Variants in XXYLT1 observed in about 807,000 individuals in gnomAD.
The protein encoded by XXYLT1 is UDP-xylose:alpha-xyloside alpha-1,3-xylosyltransferase.
Under a neutral mutation model 28.9 loss-of-function variants are expected in XXYLT1, and 20 were observed. That is an observed-to-expected ratio of 0.69 (90% confidence interval 0.49 to 1.00). XXYLT1 has a LOEUF of 1.00. XXYLT1 is among the 50% of genes least tolerant of loss of function. XXYLT1 has a pLI of 0.00. For synonymous variants in XXYLT1, 257 were observed against 253.8 expected, an observed-to-expected ratio of 1.01 and a Z score of -0.12; for missense variants, 542 against 560.1, an observed-to-expected ratio of 0.97 and a Z score of 0.33.
At chr3:195,114,388 C>T (rs544480817) in intron 3 of XXYLT1, among the ~76,000 whole-genome samples, 31 of 152,346 alleles carry the variant, frequency 2.0e-4, no homozygotes, top group African/African-American at 6.7e-4. Flanking sequence ...CATCACCTTC[C>T]ACCTGCGTTG....
At chr3:195,196,467 G>A (rs539890539) in intron 2 of XXYLT1, among the ~76,000 whole-genome samples, 132 of 152,250 alleles carry the variant, frequency 8.7e-4, no homozygotes, top group African/African-American at 3.0e-3. Context: ...AGTACCCCTG[G>A]GGCAATAGGT....
chr3:195,150,810 A>T lies in XXYLT1; in HGVS notation c.785+5639T>A, dbSNP rs1478396593. Among the ~76,000 whole-genome samples the T allele has an allele frequency of 6.6e-6, 1 of 151,418 alleles. No individual in the cohort carries two copies. Among genetic ancestry groups the T allele is most frequent in the Non-Finnish European group, 1.5e-5 (1 of 67,830 alleles). The stretch of plus-strand genomic sequence containing the variant: ...CACATATGCACACTCTCACACACTC[A>T]CATACACACACACTCACACATACGC... On this transcript the variant is annotated intron_variant, in intron 3 of 3. Coordinates refer to ENST00000310380, the MANE Select transcript of XXYLT1 (RefSeq NM_152531.5). This position sits in a 1 kb window ranked among gnomAD's most constrained non-coding sequence, Gnocchi z 4.7.
intron 2 of XXYLT1, among the ~76,000 whole-genome samples, chr3:195,182,086 C>A (rs1011342077): frequency 4.6e-5 from 7 of 152,150 alleles, no homozygotes; most frequent in Non-Finnish European, 1.0e-4. Flanking sequence ...TGATCCAACA[C>A]CCTAAAACCT....
In XXYLT1 at chr3:195,184,277, C is replaced by T. The variant is rs74415294; in HGVS notation, c.653-27696G>A. On this transcript the variant is annotated intron_variant, in intron 2 of 3. Transcript: ENST00000310380. ...GCAATTGCTTCAGTTTTACAACAGA[C>T]GATATCAATTTTTCACATAACTTTC... is the stretch of plus-strand genomic sequence containing the variant. 2.6e-3 allele frequency among the ~76,000 whole-genome samples: 395 copies of T among 152,302 alleles called. 3 individuals are homozygous for T. The highest frequency in any genetic ancestry group is 8.9e-3 in the African/African-American group (368 of 41,560).
chr3:195,196,122 C>T (rs1224963000), intron 2 of XXYLT1, among the ~76,000 whole-genome samples: 4 of 152,238 alleles, frequency 2.6e-5, no homozygotes, highest in Admixed American at 2.0e-4. Context: ...GCTCCGCACC[C>T]GCACTGTCCA....
At chr3:195,123,229 A>G (rs1041728673) in intron 3 of XXYLT1, among the ~76,000 whole-genome samples, 1 of 152,002 alleles carries the variant, frequency 6.6e-6, no homozygotes, top group African/African-American at 2.4e-5. Context: ...AGGCAGTGGA[A>G]GAAGTGGAGG....
At chr3:195,095,685 C>G (rs556133580) in intron 3 of XXYLT1, 1 of 153,586 alleles carries the variant, frequency 6.5e-6, no homozygotes, top group Non-Finnish European at 1.5e-5. Flanking sequence ...GGCCTGCAGG[C>G]GGCAGTGGCC....
intron 3 of XXYLT1, among the ~76,000 whole-genome samples, chr3:195,143,898 TA>T (rs1300459844): frequency 3.3e-4 from 44 of 132,472 alleles, no homozygotes; most frequent in East Asian, 6.0e-4. Flanking sequence ...ATTTATTTTT[TA>T]TTTTTATTTT....
Position 195,121,221 on chromosome 3 carries a change from G to A in XXYLT1, c.785+35228C>T, listed in dbSNP as rs144814858. Among the ~76,000 whole-genome samples the A allele has an allele frequency of 1.3e-4, 20 of 152,330 alleles. No individual in the cohort carries two copies. In the East Asian group the frequency reaches 3.9e-3, roughly 29 times the overall value. On this transcript the variant is annotated intron_variant, in intron 3 of 3. Transcript: ENST00000310380. The stretch of plus-strand genomic sequence containing the variant: ...GAGGTCTATCTTTTCACCCGAGGAT[G>A]TGATCTGCCCTCTACTCAGGCTACA...
At chr3:195,118,466 C>G (rs1029286535) in intron 3 of XXYLT1, among the ~76,000 whole-genome samples, 5 of 152,230 alleles carry the variant, frequency 3.3e-5, no homozygotes, top group Admixed American at 2.6e-4. Context: ...CTGGCCATGA[C>G]TCATGCAGGA....
chr3:195,120,923 TC>T (rs1474824307), intron 3 of XXYLT1, among the ~76,000 whole-genome samples: 1 of 152,128 alleles, frequency 6.6e-6, no homozygotes, highest in Non-Finnish European at 1.5e-5. Flanking sequence ...CCCCAAACCC[TC>T]ACCTGCAAAT....
At chr3:195,095,095 G>A (rs1485170647) in intron 3 of XXYLT1, among the ~76,000 whole-genome samples, 1 of 152,256 alleles carries the variant, frequency 6.6e-6, no homozygotes, top group African/African-American at 2.4e-5. Flanking sequence ...ACACTTTTGA[G>A]TAGTGAGAAG....
At chr3:195,093,518 TGGG>T (rs1257967182) in intron 3 of XXYLT1, among the ~76,000 whole-genome samples, 2 of 115,696 alleles carry the variant, frequency 1.7e-5, no homozygotes, top group Non-Finnish European at 3.5e-5. Context: ...TATCACACTC[TGGG>T]GACTGTTGTG....
intron 3 of XXYLT1, among the ~76,000 whole-genome samples, chr3:195,075,708 A>C (rs961496544): frequency 3.9e-5 from 6 of 152,210 alleles, no homozygotes; most frequent in Non-Finnish European, 8.8e-5. Flanking sequence ...TAGGAGGGAC[A>C]CTAAGCAGGT....
Position 195,070,106 on chromosome 3 carries a change from G to A in XXYLT1, c.791C>T (p.Thr264Ile). ...GTTCTCATGGCGGAACTGCCAGAAT[G>A]TGTGCCTGTGGAGAGAGAGGACAGA... The part of the protein sequence containing the change: ...AREMQPVYRH[T>I]FWQFRHENPQ... Residue 264 changes from threonine to isoleucine, a missense_variant, in exon 4 of 4, where the codon ACA (threonine) becomes ATA (isoleucine). Physicochemically the swap from Thr to Ile is moderately conservative, Grantham distance 89. Transcript: ENST00000310380. 1 of 1,564,222 alleles carries A rather than the reference G, an allele frequency of 6.4e-7. No individual in the cohort carries two copies. Among genetic ancestry groups the A allele is most frequent in the Non-Finnish European group, 8.6e-7 (1 of 1,162,518 alleles).
chr3:195,178,537 C>T (rs894835458), intron 2 of XXYLT1, among the ~76,000 whole-genome samples: 8 of 152,194 alleles, frequency 5.3e-5, no homozygotes, highest in African/African-American at 1.2e-4. Flanking sequence ...CAGCAGGACG[C>T]GGCCATCAAA....
intron 2 of XXYLT1, among the ~76,000 whole-genome samples, chr3:195,225,597 A>T (rs1432977176): frequency 3.9e-5 from 6 of 152,160 alleles, no homozygotes; most frequent in Admixed American, 3.9e-4. Context: ...CTAAGGCCCC[A>T]AACACCCCTT....
chr3:195,111,437 T>C (rs1717708394), intron 3 of XXYLT1, among the ~76,000 whole-genome samples: 1 of 151,930 alleles, frequency 6.6e-6, no homozygotes, highest in Admixed American at 6.6e-5. Context: ...GGAGAGAGGC[T>C]GGATGGGGAG....
intron 3 of XXYLT1, among the ~76,000 whole-genome samples, chr3:195,097,481 T>C (rs1716515925): frequency 1.3e-5 from 2 of 152,194 alleles, no homozygotes; most frequent in African/African-American, 4.8e-5. Context: ...GTTGTGTTTA[T>C]ATCTGTGACC....
Sources: allele counts gnomAD v4.1 joint callset (sites outside exome capture counted in the v4.1 genomes callset), GRCh38; gene constraint gnomAD v4.1.1; non-coding constraint Gnocchi (gnomAD v3.1); transcripts MANE v1.5; gene names NCBI Gene and HGNC (gene_info 2026-07-23, HGNC 2026-07-21).